Variants in EDARADD observed in about 807,000 individuals in gnomAD.
The protein encoded by EDARADD is EDAR associated via death domain.
A neutral mutation model predicts 25.6 loss-of-function variants in EDARADD; 20 were observed. The ratio of observed to expected loss-of-function variants is 0.78; its 90% confidence interval spans 0.55 to 1.14. The LOEUF (loss-of-function observed/expected upper bound fraction) is 1.14. Among genes scored for constraint, EDARADD ranks in the 50% most tolerant of loss-of-function variants. The probability of loss-of-function intolerance (pLI) is 0.00; values close to 1 mark genes in which losing one functional copy is unlikely to be tolerated. For synonymous variants in EDARADD, 86 were observed against 94.4 expected (o/e 0.91, Z 0.52); for missense variants, 225 against 270.1 (o/e 0.83, Z 1.17).
At chr1:236,356,420 C>G (rs566524776) in intron 3 of EDARADD, among the ~76,000 whole-genome samples, 1 of 152,264 alleles carries the variant, frequency 6.6e-6, no homozygotes, top group Admixed American at 6.5e-5. Flanking sequence ...TCTGGCTTAG[C>G]CCGGAGAACA....
At chr1:236,464,861 C>T (rs947831966) in intron 4 of EDARADD, among the ~76,000 whole-genome samples, 2 of 152,180 alleles carry the variant, frequency 1.3e-5, no homozygotes, top group Admixed American at 1.3e-4. Flanking sequence ...AGGTTGTGAC[C>T]TTACAGCTGT....
intron 4 of EDARADD, among the ~76,000 whole-genome samples, chr1:236,442,906 C>T (rs1314258547): frequency 8.5e-5 from 13 of 152,082 alleles, no homozygotes; most frequent in Admixed American, 8.5e-4. Context: ...AAATTTAATC[C>T]CCAAGGTAGT....
rs34675825 is a variant in EDARADD, at chr1:236,464,250, A to ATT, written c.220-3980_220-3979dup. The stretch of plus-strand genomic sequence containing the variant: ...CAGAGCCCATCACCTTTCTGCAAGT[A>ATT]TTATTTTTTTTTTTTTGGAGATGGA... On this transcript the variant is annotated intron_variant, in intron 4 of 5. Coordinates refer to ENST00000334232, the MANE Select transcript of EDARADD (RefSeq NM_145861.4). Among the ~76,000 whole-genome samples the ATT allele has an allele frequency of 5.6e-3, 801 of 142,428 alleles. 8 individuals are homozygous for ATT. Among genetic ancestry groups the ATT allele is most frequent in the African/African-American group, 0.016 (627 of 38,750 alleles). 93.4% of individuals were successfully genotyped at this position (142,428 alleles called of 152,430 possible).
rs1659723769 is a variant in EDARADD at position 236,483,016 on chromosome 1, A to G, written c.*367A>G. The G allele has an allele frequency of 5.6e-5, 35 of 626,498 alleles. No homozygotes were observed. In the South Asian group the frequency reaches 6.8e-4, roughly 12 times the overall value. 38.8% of individuals were successfully genotyped at this position (626,498 alleles called of 1,614,324 possible). On this transcript the variant is annotated 3_prime_UTR_variant, in exon 6 of 6. Transcript: ENST00000334232. ...CCTGAGACTGTTGATAGCCCCAGAC[A>G]TACCCACAGCATTATATGTAACATC...
chr1:236,449,519 T>C lies in EDARADD; in HGVS notation c.220-18712T>C, dbSNP rs116658907. Among the ~76,000 whole-genome samples the C allele has an allele frequency of 6.2e-3, 944 of 152,332 alleles. 11 individuals carry two copies. The highest frequency in any genetic ancestry group is 0.021 in the African/African-American group (878 of 41,580). ...AAAACATACACCTTGATGGTTTCCA[T>C]TCTCCTCTGAGCAGAAGGCTGGAGT... On this transcript the variant is annotated intron_variant, in intron 4 of 5. Transcript: ENST00000334232.
In EDARADD at chr1:236,395,504, G is replaced by T; in HGVS notation, c.61+999G>T. 1 of 1,527,462 alleles carries T rather than the reference G, an allele frequency of 6.5e-7. No individual in the cohort carries two copies. Among genetic ancestry groups the T allele is most frequent in the Middle Eastern group, 1.8e-4 (1 of 5,470 alleles). 94.6% of individuals were successfully genotyped at this position (1,527,462 alleles called of 1,614,324 possible). A position where few individuals can be genotyped will look rare whatever the true frequency, so the allele number is the denominator to read the frequency against. On this transcript the variant is annotated intron_variant, in intron 1 of 5. Transcript: ENST00000334232. The surrounding 1 kb of genome is among the most constrained non-coding windows in gnomAD (Gnocchi z 6.9). ...AGGCGGAGGAGGGCAGGGGCGCGCA[G>T]AGCCACGGTTTGCTCCAGGCGCGTC...
chr1:236,414,985 T>G (rs368339004), intron 3 of EDARADD, among the ~76,000 whole-genome samples: 2 of 152,168 alleles, frequency 1.3e-5, no homozygotes, highest in Non-Finnish European at 2.9e-5. Flanking sequence ...TCTTCTTCCA[T>G]GTTGGCTCCA....
intron 3 of EDARADD, among the ~76,000 whole-genome samples, chr1:236,417,962 C>CTTTT (rs60224366): frequency 0.013 from 1,876 of 139,388 alleles, 51 homozygotes; most frequent in African/African-American, 0.047. Flanking sequence ...TTCTTTTTTT[C>CTTTT]TTTTTTTTTG....
intron 4 of EDARADD, among the ~76,000 whole-genome samples, chr1:236,447,230 TTTCC>T (rs1558127506): frequency 5.5e-5 from 7 of 126,566 alleles, no homozygotes; most frequent in Middle Eastern, 3.9e-3. Context: ...CTTTCCTTTC[TTTCC>T]TTTCTTTCCT....
chr1:236,356,371 T>G (rs1183083405), intron 3 of EDARADD, among the ~76,000 whole-genome samples: 1 of 152,138 alleles, frequency 6.6e-6, no homozygotes, highest in Non-Finnish European at 1.5e-5. Context: ...AAGACAGCCC[T>G]TTATGCCATT....
At chr1:236,390,610 G>GA (rs1267135976), upstream of EDARADD, among the ~76,000 whole-genome samples, 10 of 151,902 alleles carry the variant, frequency 6.6e-5, no homozygotes, top group Admixed American at 6.6e-4. Flanking sequence ...ATAACGTATG[G>GA]AAAAAAAATT....
chr1:236,476,434 CCA>C (rs1245792624), intron 5 of EDARADD, among the ~76,000 whole-genome samples: 5 of 152,152 alleles, frequency 3.3e-5, no homozygotes, highest in African/African-American at 1.2e-4. Context: ...ACCTGTAATC[CCA>C]GCACTTCGGG....
intron 5 of EDARADD, among the ~76,000 whole-genome samples, chr1:236,479,546 C>A (rs1272585396): frequency 6.6e-6 from 1 of 151,896 alleles, no homozygotes; most frequent in Non-Finnish European, 1.5e-5. Context: ...AATACCTGGG[C>A]TTCTCTGTGT....
intron 3 of EDARADD, among the ~76,000 whole-genome samples, chr1:236,374,973 A>G (rs1035935501): frequency 3.3e-5 from 5 of 150,964 alleles, no homozygotes; most frequent in Non-Finnish European, 7.4e-5. Flanking sequence ...CTTTGTTCCT[A>G]TTTTTGTCTT....
At chr1:236,465,391 TCTTAA>T (rs963306031) in intron 4 of EDARADD, among the ~76,000 whole-genome samples, 2 of 152,332 alleles carry the variant, frequency 1.3e-5, no homozygotes, top group Admixed American at 6.5e-5. Context: ...TGTTTGTTTT[TCTTAA>T]CTTCCAGCCC....
chr1:236,432,941 G>A (rs76043280), intron 4 of EDARADD, among the ~76,000 whole-genome samples: 1,445 of 143,306 alleles, frequency 0.01, 26 homozygotes, highest in African/African-American at 0.04. Flanking sequence ...AAAAAAAAAA[G>A]AAAGAAAGAA....
At chr1:236,451,637 G>C (rs1346708176) in intron 4 of EDARADD, among the ~76,000 whole-genome samples, 1 of 152,124 alleles carries the variant, frequency 6.6e-6, no homozygotes, top group Non-Finnish European at 1.5e-5. Context: ...TGCCCAGGCT[G>C]GTCTTGAACT....
At chr1:236,457,701 C>T (rs1484746163) in intron 4 of EDARADD, among the ~76,000 whole-genome samples, 2 of 151,782 alleles carry the variant, frequency 1.3e-5, no homozygotes, top group South Asian at 2.1e-4. Flanking sequence ...TGCCTGTAAT[C>T]TCAACTACTC....
intron 3 of EDARADD, among the ~76,000 whole-genome samples, chr1:236,377,355 C>T (rs1667235756): frequency 6.7e-6 from 1 of 149,594 alleles, no homozygotes; most frequent in Non-Finnish European, 1.5e-5. Flanking sequence ...GGGTTTTTGC[C>T]ATGTCGGCCA....
Sources: gnomAD v4.1 joint callset for allele counts (sites outside exome capture counted in the v4.1 genomes callset) on GRCh38, gnomAD v4.1.1 for gene constraint, Gnocchi (gnomAD v3.1) non-coding constraint, MANE v1.5 for transcripts, NCBI Gene and HGNC (gene_info 2026-07-23, HGNC 2026-07-21) for gene names.